PCDHGA10: variants seen among roughly 807,000 people sequenced by gnomAD.
The protein encoded by PCDHGA10 is protocadherin gamma subfamily A, 10.
Under a neutral mutation model 59.5 loss-of-function variants are expected in PCDHGA10, and 42 were observed. That is an observed-to-expected ratio of 0.71 (90% CI 0.55 to 0.91). The LOEUF is 0.91. Ranked by LOEUF, PCDHGA10 falls within the 40% of genes least tolerant of loss-of-function variation. The pLI is 0.00. For missense variants in PCDHGA10, 1,111 were observed against 1,198.2 expected (o/e 0.93, Z 1.07); for synonymous variants, 511 against 517.2 (o/e 0.99, Z 0.16).
At chr5:141,446,508 G>A (rs932199756) in intron 1 of PCDHGA10, among the ~76,000 whole-genome samples, 4 of 151,356 alleles carry the variant, frequency 2.6e-5, no homozygotes, top group Non-Finnish European at 5.9e-5. Flanking sequence ...ATGGAGTCTC[G>A]CTCTGTCACC....
At chr5:141,469,468 G>A (rs62379200) in intron 1 of PCDHGA10, among the ~76,000 whole-genome samples, 32,669 of 151,998 alleles carry the variant, frequency 0.21, 3,638 homozygotes, top group African/African-American at 0.27. Context: ...TCAGCTACTC[G>A]GGAGGCTGAG....
At chr5:141,421,141 G>A (rs7732160) in intron 1 of PCDHGA10, 49,996 of 938,386 alleles carry the variant, frequency 0.053, 1,680 homozygotes, top group African/African-American at 0.14. Flanking sequence ...TATTTTGGAT[G>A]TAGTCGGCCT....
rs760878091 is a variant in PCDHGA10 at position 141,476,406 on chromosome 5, T to A, written c.2437-18401T>A. The A allele has an allele frequency of 6.2e-7, 1 of 1,614,054 alleles. No individual in the cohort carries two copies. The highest frequency in any genetic ancestry group is 8.5e-7 in the Non-Finnish European group (1 of 1,180,002). On this transcript the variant is annotated intron_variant, in intron 1 of 3. Transcript: ENST00000398610. The surrounding 1 kb of genome is among the most constrained non-coding windows in gnomAD (Gnocchi z 7.6). Reference sequence around the variant, plus strand: ...AACGACCGTCTGGATCGAGAGGAGCTGTGTGGGACACTGCCCTCTTGCACT... The same window carrying A: ...AACGACCGTCTGGATCGAGAGGAGCAGTGTGGGACACTGCCCTCTTGCACT...
intron 1 of PCDHGA10, among the ~76,000 whole-genome samples, chr5:141,443,781 C>CA (rs1227271563): frequency 8.6e-5 from 13 of 150,636 alleles, no homozygotes; most frequent in South Asian, 2.1e-4. Flanking sequence ...ACCAAAAAGA[C>CA]AAAAAAAATG....
intron 1 of PCDHGA10, among the ~76,000 whole-genome samples, chr5:141,466,443 C>T (rs906096545): frequency 6.6e-6 from 1 of 152,186 alleles, no homozygotes; most frequent in African/African-American, 2.4e-5. Context: ...ACCGAGATGT[C>T]TATGGTGTTG....
chr5:141,425,962 C>T (rs2096906059), intron 1 of PCDHGA10, among the ~76,000 whole-genome samples: 2 of 152,236 alleles, frequency 1.3e-5, no homozygotes, highest in African/African-American at 2.4e-5. Flanking sequence ...TAGTCCAACA[C>T]ATCAGTCTAA....
intron 1 of PCDHGA10, among the ~76,000 whole-genome samples, chr5:141,481,478 T>C (rs2099538352): frequency 6.6e-6 from 1 of 152,232 alleles, no homozygotes; most frequent in African/African-American, 2.4e-5. Context: ...GATTATACAC[T>C]TTAAATATGT....
chr5:141,475,013 G>C (rs950376592), intron 1 of PCDHGA10, among the ~76,000 whole-genome samples: 1 of 152,176 alleles, frequency 6.6e-6, no homozygotes, highest in Non-Finnish European at 1.5e-5. Flanking sequence ...AAAAGTTAAG[G>C]CTCTTTATTC....
chr5:141,490,184 TC>T lies in PCDHGA10; in HGVS notation c.2437-4622del, dbSNP rs1293752541. The T allele has an allele frequency of 1.2e-6, 2 of 1,614,196 alleles. No individual in the cohort carries two copies. The highest frequency in any genetic ancestry group is 1.7e-6 in the Non-Finnish European group (2 of 1,180,030). On this transcript the variant is annotated intron_variant, in intron 1 of 3. Coordinates refer to ENST00000398610, the MANE Select transcript of PCDHGA10 (RefSeq NM_018913.3). This position sits in a 1 kb window ranked among gnomAD's most constrained non-coding sequence, Gnocchi z 5.4. The stretch of plus-strand genomic sequence containing the variant: ...CCCATAGACTTTGAGGAGTCACGTT[TC>T]TATGAAATTCATGCAAGAGCCCGTG...
At position 141,493,323 on chromosome 5, in the gene PCDHGA10, C is replaced by T. The variant is rs542332335; in HGVS notation, c.2437-1484C>T. Among the ~76,000 whole-genome samples the T allele has an allele frequency of 6.6e-6, 1 of 152,294 alleles. No homozygotes were observed. The highest frequency in any genetic ancestry group is 6.5e-5 in the Admixed American group (1 of 15,300). On this transcript the variant is annotated intron_variant, in intron 1 of 3. Transcript: ENST00000398610. The surrounding 1 kb of genome is among the most constrained non-coding windows in gnomAD (Gnocchi z 4.3). ...AGAGCAAGTAAGAGAGATTCTAACC[C>T]CTGTCTAACTCCAGAATGTGTGCTT...
Position 141,505,499 on chromosome 5 carries a change from G to T in PCDHGA10, c.2584+18G>T, listed in dbSNP as rs753203943. 4.3e-6 allele frequency: 7 copies of T among 1,614,172 alleles called. No individual in the cohort carries two copies. The South Asian group carries it at 7.7e-5, about 18-fold the overall frequency. ...CGCCAGTGGTAAGTGGTGTCAGTGTGTGTATGGAAGAGTGGGAGACCTGGG... is the reference window on the plus strand; with the variant it reads ...CGCCAGTGGTAAGTGGTGTCAGTGTTTGTATGGAAGAGTGGGAGACCTGGG... On this transcript the variant is annotated intron_variant, in intron 3 of 3. Coordinates refer to ENST00000398610, the MANE Select transcript of PCDHGA10 (RefSeq NM_018913.3).
In PCDHGA10 at chr5:141,432,961, A is replaced by T. The variant is rs1457416543; in HGVS notation, c.2436+17350A>T. The T allele has an allele frequency of 1.5e-5, 25 of 1,613,952 alleles. 1 individual carries two copies. The South Asian group carries it at 2.3e-4, about 15-fold the overall frequency. ...AGGCTTCAGGAGGCGGCTTGACAGG[A>T]GCGCCGGCGTCGCACTTTGTGGGCG... On this transcript the variant is annotated intron_variant, in intron 1 of 3. Coordinates refer to ENST00000398610, the MANE Select transcript of PCDHGA10 (RefSeq NM_018913.3). This position sits in a 1 kb window ranked among gnomAD's most constrained non-coding sequence, Gnocchi z 6.0.
rs757065593 is a variant in PCDHGA10, at chr5:141,418,576, C to G, written c.2436+2965C>G. 1.5e-5 allele frequency: 25 copies of G among 1,614,012 alleles called. No homozygotes were observed. In the South Asian group the frequency reaches 2.7e-4, roughly 18 times the overall value. On this transcript the variant is annotated intron_variant, in intron 1 of 3. Transcript: ENST00000398610. ...TGGTAATAGATGCCAATGACAACCCCCCAGTGTTCAGCCAGGACGTGTACA... is the reference window on the plus strand; with the variant it reads ...TGGTAATAGATGCCAATGACAACCCGCCAGTGTTCAGCCAGGACGTGTACA...
At position 141,415,172 on chromosome 5, in the gene PCDHGA10, T is replaced by G. The variant is rs770772038; in HGVS notation, c.1997T>G (p.Val666Gly). 2 of 1,613,882 alleles carry G rather than the reference T, an allele frequency of 1.2e-6. No individual in the cohort carries two copies. The highest frequency in any genetic ancestry group is 1.7e-6 in the Non-Finnish European group (2 of 1,180,008). ...CTCTCCGCCACTGTCACGCTCACCG[T>G]GGCCGTGGCCGACAGCATCCCCCAA... Reference protein sequence around the residue: ...PPLSATVTLTVAVADSIPQVL... With the variant: ...PPLSATVTLTGAVADSIPQVL... The change falls in exon 1 of 4, where the codon GTG becomes GGG. Residue 666 changes from valine to glycine, a missense_variant. Transcript: ENST00000398610.
chr5:141,452,358 T>C (rs2098739424), intron 1 of PCDHGA10, among the ~76,000 whole-genome samples: 1 of 152,236 alleles, frequency 6.6e-6, no homozygotes, highest in African/African-American at 2.4e-5. Context: ...CCAAAAGCCT[T>C]GCTTCATTTT....
rs998058224 is a variant in PCDHGA10 at position 141,414,067 on chromosome 5, C to G, written c.892C>G (p.Leu298Val). The G allele has an allele frequency of 6.2e-7, 1 of 1,607,570 alleles. No individual in the cohort carries two copies. Among genetic ancestry groups the G allele is most frequent in the Non-Finnish European group, 8.5e-7 (1 of 1,177,004 alleles). Residue 298 changes from leucine (L) to valine (V), a missense_variant, in exon 1 of 4, where the codon CTA becomes GTA. Physicochemically the swap from Leu to Val is conservative, Grantham distance 32. Transcript: ENST00000398610. ...LPDTQLLKFQ[L>V]NKYTGEIKIS... The stretch of plus-strand genomic sequence containing the variant: ...TGACACGCAATTGTTGAAGTTCCAA[C>G]TAAACAAATATACTGGAGAAATAAA...
Position 141,431,442 on chromosome 5 carries a change from T to G in PCDHGA10, c.2436+15831T>G. 6.2e-7 allele frequency: 1 copy of G among 1,613,746 alleles called. No individual in the cohort carries two copies. The highest frequency in any genetic ancestry group is 1.7e-5 in the Admixed American group (1 of 60,014). The stretch of plus-strand genomic sequence containing the variant: ...CCGGTGCGCACAGGCACCGCGCGCA[T>G]CCGCGTGATGGTTCTGGATGCGAAC... On this transcript the variant is annotated intron_variant, in intron 1 of 3. Coordinates refer to ENST00000398610, the MANE Select transcript of PCDHGA10 (RefSeq NM_018913.3). This position sits in a 1 kb window ranked among gnomAD's most constrained non-coding sequence, Gnocchi z 4.8.
intron 1 of PCDHGA10, among the ~76,000 whole-genome samples, chr5:141,468,047 G>A (rs901583535): frequency 2.0e-5 from 3 of 152,050 alleles, no homozygotes; most frequent in Non-Finnish European, 2.9e-5. Context: ...AAACTAAGCC[G>A]GGCACAGTGG....
rs2099411055 is a variant in PCDHGA10, at chr5:141,477,429, C to T, written c.2437-17378C>T. 6.2e-7 allele frequency: 1 copy of T among 1,614,218 alleles called. No individual in the cohort carries two copies. Among genetic ancestry groups the T allele is most frequent in the South Asian group, 1.1e-5 (1 of 91,082 alleles). ...CGAGACGCCGGAACCCCTTCCCTCT[C>T]AGCCCTTACAATAGTGCGTGTTCAA... On this transcript the variant is annotated intron_variant, in intron 1 of 3. Coordinates refer to ENST00000398610, the MANE Select transcript of PCDHGA10 (RefSeq NM_018913.3). The surrounding 1 kb of genome is among the most constrained non-coding windows in gnomAD (Gnocchi z 4.9).
Sources: gnomAD v4.1 joint callset for allele counts (sites outside exome capture counted in the v4.1 genomes callset) on GRCh38, gnomAD v4.1.1 for gene constraint, Gnocchi (gnomAD v3.1) non-coding constraint, MANE v1.5 for transcripts, NCBI Gene and HGNC (gene_info 2026-07-23, HGNC 2026-07-21) for gene names.